The following CUL1 variants were observed in gnomAD, a reference collection of about 807,000 sequenced individuals.
CUL1 encodes cullin-1.
In CUL1, 24 loss-of-function variants were observed where a neutral mutation model predicts 118.0. The observed-to-expected ratio is 0.20, with a 90% CI of 0.15 to 0.29. CUL1 has a LOEUF of 0.29. CUL1 is among the 10% of genes least tolerant of loss of function. The probability of loss-of-function intolerance (pLI) is 1.00; values close to 1 mark genes in which losing one functional copy is unlikely to be tolerated. For missense variants in CUL1, 361 were observed against 933.8 expected (o/e 0.39, Z 7.99); for synonymous variants, 332 against 340.4 (o/e 0.98, Z 0.27).
Position 148,730,133 on chromosome 7 carries a change from C to T in CUL1, c.11C>T (p.Thr4Ile), listed in dbSNP as rs1345891356. 5 of 1,613,596 alleles carry T rather than the reference C, an allele frequency of 3.1e-6. No individual in the cohort carries two copies. Residue 4 changes from threonine to isoleucine, a missense_variant, in exon 2 of 22, where the codon ACC becomes ATC. Transcript: ENST00000325222. MSSTRSQNPHGLKQ... is the reference protein window; with the variant it reads MSSIRSQNPHGLKQ... The stretch of plus-strand genomic sequence containing the variant: ...AGAACATCCCTCACAATGTCGTCAA[C>T]CCGGAGCCAGAACCCCCACGGCCTG...
At chr7:148,788,077 C>T (rs1471221444) in intron 13 of CUL1, among the ~76,000 whole-genome samples, 1 of 152,184 alleles carries the variant, frequency 6.6e-6, no homozygotes. Flanking sequence ...CTTGCAGTGC[C>T]TCACGTGTCA....
Position 148,749,359 on chromosome 7 carries a change from T to C in CUL1, c.141-4617T>C, listed in dbSNP as rs1424072810. On this transcript the variant is annotated intron_variant, in intron 2 of 21. Coordinates refer to ENST00000325222, the MANE Select transcript of CUL1 (RefSeq NM_003592.3). The stretch of plus-strand genomic sequence containing the variant: ...TTGAACCCGGGAGGCGGAGGTTCAG[T>C]GAGCCAAGATTGTGCCACAGCTCTC... Among the ~76,000 whole-genome samples, 43 of 127,190 alleles carry C rather than the reference T, an allele frequency of 3.4e-4. 1 individual carries two copies. The Admixed American group carries it at 4.4e-3, about 13-fold the overall frequency. 83.4% of individuals were successfully genotyped at this position (127,190 alleles called of 152,430 possible).
chr7:148,792,291 T>A (rs560385626), intron 16 of CUL1, among the ~76,000 whole-genome samples: 1 of 152,208 alleles, frequency 6.6e-6, no homozygotes, highest in African/African-American at 2.4e-5. Flanking sequence ...CCAAATATAA[T>A]TTGATATTTG....
chr7:148,784,204 C>G lies in CUL1; in HGVS notation c.1298+127C>G, dbSNP rs1800746245. 3 of 749,958 alleles carry G rather than the reference C, an allele frequency of 4.0e-6. No homozygotes were observed. The East Asian group carries it at 8.1e-5, about 20-fold the overall frequency. 46.5% of individuals were successfully genotyped at this position (749,958 alleles called of 1,614,324 possible). On this transcript the variant is annotated intron_variant, in intron 11 of 21. Coordinates refer to ENST00000325222, the MANE Select transcript of CUL1 (RefSeq NM_003592.3). ...ATTTTTGTACCTTATGAGAAAAATG[C>G]TTAAACATAATCGTCCTTGCCGTTG...
chr7:148,762,076 A>G (rs962524053), intron 7 of CUL1, among the ~76,000 whole-genome samples: 1 of 152,080 alleles, frequency 6.6e-6, no homozygotes, highest in Non-Finnish European at 1.5e-5. Flanking sequence ...ACAGACCCAT[A>G]CTGGCCCACA....
In CUL1 at chr7:148,783,881, T is replaced by C. The variant is rs1394589756; in HGVS notation, c.1182T>C (p.Ala394=). The C allele has an allele frequency of 1.2e-6, 2 of 1,614,072 alleles. No homozygotes were observed. Among genetic ancestry groups the C allele is most frequent in the African/African-American group, 1.3e-5 (1 of 74,912 alleles). Residue 394 remains alanine, a synonymous_variant, in exon 10 of 22, where the codon GCT becomes GCC. Coordinates refer to ENST00000325222, the MANE Select transcript of CUL1 (RefSeq NM_003592.3). Reference sequence around the variant, plus strand: ...ACAATGACGCTGGCTTTGTGGCTGCTCTTGATAAGGTAGGTGCGTGAGGGT... The same window carrying C: ...ACAATGACGCTGGCTTTGTGGCTGCCCTTGATAAGGTAGGTGCGTGAGGGT... The part of the protein sequence containing the change: ...AFNNDAGFVA[A]LDKACGRFIN...
At chr7:148,771,378 CT>C (rs1425312710) in intron 9 of CUL1, among the ~76,000 whole-genome samples, 1 of 152,194 alleles carries the variant, frequency 6.6e-6, no homozygotes, top group African/African-American at 2.4e-5. Flanking sequence ...TAAGGCATAT[CT>C]TTTCCCTAGT....
intron 1 of CUL1, among the ~76,000 whole-genome samples, chr7:148,701,631 A>G (rs1216534523): frequency 6.6e-6 from 1 of 152,170 alleles, no homozygotes; most frequent in Non-Finnish European, 1.5e-5. Context: ...GGCAAGCCCC[A>G]TGGTTCTGCT....
chr7:148,732,488 C>T (rs974321689), intron 2 of CUL1, among the ~76,000 whole-genome samples: 8 of 151,582 alleles, frequency 5.3e-5, no homozygotes, highest in Non-Finnish European at 1.0e-4. Context: ...ACCACAGGCA[C>T]GCACCATCAT....
chr7:148,726,371 T>C (rs1451207704), intron 1 of CUL1, among the ~76,000 whole-genome samples: 2 of 152,148 alleles, frequency 1.3e-5, no homozygotes, highest in Non-Finnish European at 2.9e-5. Flanking sequence ...TATCTTGGTT[T>C]TTCAAAAGTC....
At position 148,800,845 on chromosome 7, in the gene CUL1, AT is replaced by A; in HGVS notation, c.*264del. 2.6e-6 allele frequency: 1 copy of A among 378,832 alleles called. No homozygotes were observed. Among genetic ancestry groups the A allele is most frequent in the Non-Finnish European group, 4.9e-6 (1 of 206,152 alleles). The allele number at this position is 378,832 out of a possible 1,614,324, so 23.5% of individuals were successfully genotyped here. A position where few individuals can be genotyped will look rare whatever the true frequency, so the allele number is the denominator to read the frequency against. On this transcript the variant is annotated 3_prime_UTR_variant, in exon 22 of 22. Coordinates refer to ENST00000325222, the MANE Select transcript of CUL1 (RefSeq NM_003592.3). The surrounding 1 kb of genome is among the most constrained non-coding windows in gnomAD (Gnocchi z 4.6). Reference sequence around the variant, plus strand: ...ACTGACCCTCCGTGCCGAGGGCTGCATGCTACCGCACTAAGTCAATACATGG... The same window carrying A: ...ACTGACCCTCCGTGCCGAGGGCTGCAGCTACCGCACTAAGTCAATACATGG...
chr7:148,793,651 A>T (rs1428602272), intron 17 of CUL1, among the ~76,000 whole-genome samples: 1 of 152,242 alleles, frequency 6.6e-6, no homozygotes, highest in East Asian at 1.9e-4. Context: ...TGGTCGAATA[A>T]TCCAATGTAT....
chr7:148,699,253 C>T (rs1423484333), intron 1 of CUL1, among the ~76,000 whole-genome samples: 1 of 151,920 alleles, frequency 6.6e-6, no homozygotes, highest in Non-Finnish European at 1.5e-5. Flanking sequence ...CGGGGCCGGG[C>T]CCTGAGTCAC....
chr7:148,765,001 A>G (rs1189994750), intron 7 of CUL1, among the ~76,000 whole-genome samples: 1 of 152,110 alleles, frequency 6.6e-6, no homozygotes, highest in Middle Eastern at 3.2e-3. Flanking sequence ...ATTAACTTCA[A>G]GCTTTTTTCT....
intron 1 of CUL1, among the ~76,000 whole-genome samples, chr7:148,703,425 T>A (rs1338482135): frequency 6.6e-6 from 1 of 152,236 alleles, no homozygotes; most frequent in Non-Finnish European, 1.5e-5. Flanking sequence ...GCAATTTTTT[T>A]AAAGGTCTGT....
chr7:148,723,076 A>T (rs1798445647), intron 1 of CUL1, among the ~76,000 whole-genome samples: 1 of 151,430 alleles, frequency 6.6e-6, no homozygotes. Flanking sequence ...CAAACCCATG[A>T]GGTGGGTTAA....
At chr7:148,798,812 G>T in intron 20 of CUL1, 135 bp downstream of exon 20, 1 of 749,166 alleles carries the variant, frequency 1.3e-6, no homozygotes, top group African/African-American at 1.7e-5. Flanking sequence ...GGCAGAAGGT[G>T]GCAAGGCCGA....
intron 14 of CUL1, among the ~76,000 whole-genome samples, 181 bp downstream of exon 14, chr7:148,788,855 A>G (rs1273130786): frequency 6.6e-6 from 1 of 152,230 alleles, no homozygotes; most frequent in African/African-American, 2.4e-5. Context: ...ACATTAGGAG[A>G]TGACAACCCT....
At chr7:148,729,758 A>G (rs769807648) in intron 1 of CUL1, among the ~76,000 whole-genome samples, 1 of 152,188 alleles carries the variant, frequency 6.6e-6, no homozygotes, top group Non-Finnish European at 1.5e-5. Context: ...TTTTCTCTTG[A>G]GTGCTGATAT....
Sources: allele counts gnomAD v4.1 joint callset (sites outside exome capture counted in the v4.1 genomes callset), GRCh38; gene constraint gnomAD v4.1.1; non-coding constraint Gnocchi (gnomAD v3.1); transcripts MANE v1.5; gene names NCBI Gene and HGNC (gene_info 2026-07-23, HGNC 2026-07-21).